The following ITGA8 variants were observed in gnomAD, a reference collection of about 807,000 sequenced individuals.
ITGA8 encodes integrin alpha-8.
Under a neutral mutation model 142.3 loss-of-function variants are expected in ITGA8, and 91 were observed. The observed-to-expected ratio is 0.64, with a 90% confidence interval of 0.54 to 0.76. The LOEUF (loss-of-function observed/expected upper bound fraction) is 0.76, where lower values mean the gene tolerates loss of function less well. Among genes scored for constraint, ITGA8 ranks in the 30% least tolerant of loss-of-function variants. ITGA8 has a pLI of 0.00. For missense variants in ITGA8, 1,406 were observed against 1,327.7 expected (o/e 1.06, Z -0.92); for synonymous variants, 505 against 485.2 (o/e 1.04, Z -0.54).
intron 25 of ITGA8, among the ~76,000 whole-genome samples, chr10:15,568,123 T>C (rs886149007): frequency 1.6e-4 from 24 of 152,136 alleles, no homozygotes; most frequent in African/African-American, 5.3e-4. Flanking sequence ...GGGGTCTTGC[T>C]ATGTTGTCCA....
intron 8 of ITGA8, among the ~76,000 whole-genome samples, chr10:15,666,453 G>T (rs1027877575): frequency 1.3e-5 from 2 of 152,178 alleles, no homozygotes; most frequent in Admixed American, 1.3e-4. Context: ...ATACAGTCAT[G>T]TCATCTGCAA....
intron 2 of ITGA8, among the ~76,000 whole-genome samples, chr10:15,700,800 C>T (rs904709727): frequency 6.6e-6 from 1 of 152,132 alleles, no homozygotes; most frequent in African/African-American, 2.4e-5. Flanking sequence ...GACACAAGCC[C>T]TAAGCCACCA....
At chr10:15,569,534 TC>T (rs1172178469) in intron 25 of ITGA8, among the ~76,000 whole-genome samples, 1 of 152,212 alleles carries the variant, frequency 6.6e-6, no homozygotes, top group Admixed American at 6.5e-5. Context: ...GCCTCCCTGT[TC>T]CTTTTAGTAA....
intron 27 of ITGA8, among the ~76,000 whole-genome samples, chr10:15,543,214 G>T (rs1833605226): frequency 6.6e-6 from 1 of 152,194 alleles, no homozygotes. Flanking sequence ...ATGGAACTGA[G>T]CTCCTGCATC....
At chr10:15,666,448 G>A (rs1488320936) in intron 8 of ITGA8, among the ~76,000 whole-genome samples, 1 of 152,098 alleles carries the variant, frequency 6.6e-6, no homozygotes, top group Non-Finnish European at 1.5e-5. Context: ...TAGATATACA[G>A]TCATGTCATC....
chr10:15,697,191 AT>A (rs1317466463), intron 2 of ITGA8, among the ~76,000 whole-genome samples: 5 of 152,338 alleles, frequency 3.3e-5, no homozygotes, highest in African/African-American at 1.2e-4. Context: ...TTCAACTGTT[AT>A]ACACATATGA....
chr10:15,696,108 C>G (rs911943851), intron 2 of ITGA8, among the ~76,000 whole-genome samples: 14 of 152,202 alleles, frequency 9.2e-5, no homozygotes, highest in Non-Finnish European at 1.5e-4. Context: ...GGTAGGGCCG[C>G]CTGTCGTCTG....
At chr10:15,635,003 C>CTTTTTTTTTTT (rs915334219) in intron 13 of ITGA8, among the ~76,000 whole-genome samples, 11 of 107,224 alleles carry the variant, frequency 1.0e-4, no homozygotes, top group Non-Finnish European at 1.8e-4. Context: ...TTCTTTCTTT[C>CTTTTTTTTTTT]TTTTTTTTTT....
In ITGA8 at chr10:15,718,821, A is replaced by G; in HGVS notation, c.288T>C (p.Cys96=). The change falls in exon 2 of 30, where the codon TGT becomes TGC. Residue 96 remains cysteine (C), a synonymous_variant. Transcript: ENST00000378076. ...DIVEGGAVYY[C]PWPAEGSAQC... is the part of the protein sequence containing the mutation. ...GCGCAGACCCCTCCGCGGGCCAAGG[A>G]CAGTAATAGACGGCTCCCCCTTCCA... The G allele has an allele frequency of 6.2e-7, 1 of 1,614,146 alleles. No homozygotes were observed. Among genetic ancestry groups the G allele is most frequent in the Non-Finnish European group, 8.5e-7 (1 of 1,180,034 alleles).
At position 15,572,263 on chromosome 10, in the gene ITGA8, A is replaced by G; in HGVS notation, c.2585T>C (p.Leu862Pro). ...ATTTGGTTGGCACTGCAGAGGTCCC[A>G]GAGTTTGAATATGGAAAATATAGAG... ...FLLYIFHIQT[L>P]GPLQCQPNPN... Residue 862 changes from leucine (L) to proline (P), a missense_variant, in exon 25 of 30, where the codon CTG (leucine) becomes CCG (proline). By Grantham distance (98) the Leu-to-Pro change is moderately conservative. Coordinates refer to ENST00000378076, the MANE Select transcript of ITGA8 (RefSeq NM_003638.3). 1 of 1,614,050 alleles carries G rather than the reference A, an allele frequency of 6.2e-7. No individual in the cohort carries two copies. Among genetic ancestry groups the G allele is most frequent in the Non-Finnish European group, 8.5e-7 (1 of 1,179,918 alleles).
chr10:15,571,400 A>G (rs1388918151), intron 25 of ITGA8, among the ~76,000 whole-genome samples: 5 of 152,228 alleles, frequency 3.3e-5, no homozygotes, highest in Non-Finnish European at 7.3e-5. Flanking sequence ...GTTATCTCCT[A>G]AGGACAATAT....
chr10:15,706,089 T>C (rs965195509), intron 2 of ITGA8, among the ~76,000 whole-genome samples: 2 of 152,202 alleles, frequency 1.3e-5, no homozygotes, highest in East Asian at 3.8e-4. Context: ...AAGTGCCCAT[T>C]CGACATCTGT....
intron 8 of ITGA8, among the ~76,000 whole-genome samples, chr10:15,665,278 A>AT (rs1204452636): frequency 1.3e-5 from 2 of 152,024 alleles, no homozygotes; most frequent in Non-Finnish European, 2.9e-5. Flanking sequence ...GATGATGAGC[A>AT]TTTTTTCATG....
At chr10:15,537,591 C>G (rs1833473273) in intron 27 of ITGA8, among the ~76,000 whole-genome samples, 2 of 152,168 alleles carry the variant, frequency 1.3e-5, no homozygotes, top group African/African-American at 4.8e-5. Context: ...ACTCAATCAG[C>G]CTCCTACCGG....
chr10:15,633,306 C>A (rs1790467173), intron 13 of ITGA8, among the ~76,000 whole-genome samples: 1 of 151,602 alleles, frequency 6.6e-6, no homozygotes, highest in Admixed American at 6.6e-5. Context: ...TTAGCATGAT[C>A]AAAAAAATAA....
chr10:15,604,298 T>TGCATTTATTATGA lies in ITGA8; in HGVS notation c.2015_2027dup (p.Arg677HisfsTer7). On this transcript the variant is annotated frameshift_variant, in exon 20 of 30. Transcript: ENST00000378076. LOFTEE classifies it high-confidence loss of function. ...CATATGCTCCTTCCCCTTCATTTCT[T>TGCATTTATTATGA]GCATTTATTATGAGCATAAGGTGAT... is the stretch of plus-strand genomic sequence containing the variant. 1.2e-6 allele frequency: 2 copies of TGCATTTATTATGA among 1,612,744 alleles called. No individual in the cohort carries two copies. The highest frequency in any genetic ancestry group is 1.7e-6 in the Non-Finnish European group (2 of 1,178,840).
At chr10:15,649,920 A>G (rs1031268378) in intron 11 of ITGA8, among the ~76,000 whole-genome samples, 2 of 152,184 alleles carry the variant, frequency 1.3e-5, no homozygotes, top group African/African-American at 4.8e-5. Flanking sequence ...CTTACCACAC[A>G]ATCACAAAAT....
In ITGA8 at chr10:15,611,692, C is replaced by CGTGTTAGCCAGG. The variant is rs1554777623; in HGVS notation, c.1553+1967_1553+1968insCCTGGCTAACAC. Among the ~76,000 whole-genome samples the CGTGTTAGCCAGG allele has an allele frequency of 9.5e-3, 1,437 of 151,494 alleles. 13 individuals carry two copies. The highest frequency in any genetic ancestry group is 0.015 in the Non-Finnish European group (1,008 of 67,686). The stretch of plus-strand genomic sequence containing the variant: ...ATTTTTAGTAGAGACAGGGTTTCAC[C>CGTGTTAGCCAGG]ATGGTCTCGATCTCCTGACCTCGTG... On this transcript the variant is annotated intron_variant, in intron 15 of 29. Transcript: ENST00000378076.
chr10:15,649,112 C>A (rs981917136), intron 11 of ITGA8, among the ~76,000 whole-genome samples: 1 of 151,992 alleles, frequency 6.6e-6, no homozygotes, highest in African/African-American at 2.4e-5. Context: ...AACCAAGTGT[C>A]CCTGAGTAGA....
Sources: gnomAD v4.1 joint callset for allele counts (sites outside exome capture counted in the v4.1 genomes callset) on GRCh38, gnomAD v4.1.1 for gene constraint, MANE v1.5 for transcripts, NCBI Gene and HGNC (gene_info 2026-07-23, HGNC 2026-07-21) for gene names.